The following CDH23 variants were observed in gnomAD, a reference collection of about 807,000 sequenced individuals.
The protein encoded by CDH23 is cadherin-23.
Under a neutral mutation model 317.1 loss-of-function variants are expected in CDH23, and 189 were observed. The ratio of observed to expected loss-of-function variants is 0.60; its 90% CI spans 0.53 to 0.67. CDH23 has a LOEUF of 0.67. Ranked by LOEUF, CDH23 falls within the 30% of genes least tolerant of loss-of-function variation. The pLI is 0.00. For missense variants in CDH23, 4,401 were observed against 4,592.4 expected, an observed-to-expected ratio of 0.96 and a Z score of 1.20; for synonymous variants, 1,839 against 1,876.8, an observed-to-expected ratio of 0.98 and a Z score of 0.52.
At chr10:71,506,988 A>G (rs1165227748) in intron 3 of CDH23, among the ~76,000 whole-genome samples, 1 of 152,160 alleles carries the variant, frequency 6.6e-6, no homozygotes, top group South Asian at 2.1e-4. Flanking sequence ...CCTTCTTGGG[A>G]GGACCTGAGC....
chr10:71,503,197 G>A (rs1278834968), intron 3 of CDH23, among the ~76,000 whole-genome samples: 2 of 152,238 alleles, frequency 1.3e-5, no homozygotes, highest in African/African-American at 4.8e-5. Context: ...TAGCAGTCTG[G>A]TGGGCAGATT....
chr10:71,709,341 A>G, intron 27 of CDH23, 130 bp downstream of exon 27: 1 of 720,152 alleles, frequency 1.4e-6, no homozygotes, highest in Non-Finnish European at 2.3e-6. Context: ...GCCACCAGGC[A>G]CTCACCAAAC....
intron 20 of CDH23, among the ~76,000 whole-genome samples, chr10:71,691,168 T>G (rs901717306): frequency 2.8e-4 from 43 of 152,364 alleles, no homozygotes; most frequent in African/African-American, 9.9e-4. Flanking sequence ...AACTCTCTTC[T>G]TTCTTCTTCG....
chr10:71,651,871 G>A (rs1336362851), intron 14 of CDH23, among the ~76,000 whole-genome samples: 1 of 152,216 alleles, frequency 6.6e-6, no homozygotes, highest in Non-Finnish European at 1.5e-5. Flanking sequence ...TTGGCCTCTT[G>A]CAGCATGGGG....
In CDH23 at chr10:71,752,001, G is replaced by A. The variant is rs908095514; in HGVS notation, c.4845+10080G>A. 5.1e-6 allele frequency: 5 copies of A among 979,008 alleles called. No individual in the cohort carries two copies. In the Admixed American group the frequency reaches 1.0e-4, roughly 20 times the overall value. 60.6% of individuals were successfully genotyped at this position (979,008 alleles called of 1,614,324 possible). On this transcript the variant is annotated intron_variant, in intron 38 of 69. Transcript: ENST00000224721. ...CCTCAGCAGCATCTCCAAGCAAGAA[G>A]GCAGGAGCCAGGCCCACAGAGCAAA...
chr10:71,583,862 C>G (rs1858834649), intron 9 of CDH23, among the ~76,000 whole-genome samples: 1 of 152,160 alleles, frequency 6.6e-6, no homozygotes, highest in Admixed American at 6.5e-5. Flanking sequence ...GTCACAGCTA[C>G]TAAGAGGCAG....
chr10:71,477,852 C>G (rs918583713), intron 3 of CDH23, among the ~76,000 whole-genome samples: 2 of 152,106 alleles, frequency 1.3e-5, no homozygotes, highest in Non-Finnish European at 2.9e-5. Context: ...CTGCTGGGCT[C>G]TTATTATCCC....
At chr10:71,763,196 C>A (rs7067854) in intron 38 of CDH23, among the ~76,000 whole-genome samples, 3,385 of 152,284 alleles carry the variant, frequency 0.022, 116 homozygotes, top group African/African-American at 0.078. Flanking sequence ...GTTTTTGAGA[C>A]GGAGTCTCCC....
At chr10:71,799,042 C>T (rs1029403829) in intron 50 of CDH23, 69 bp from the exon 51 acceptor site, 9 of 1,482,242 alleles carry the variant, frequency 6.1e-6, no homozygotes, top group Non-Finnish European at 7.4e-6. Flanking sequence ...AGGTCTTTCT[C>T]CTCATACTTT....
intron 16 of CDH23, among the ~76,000 whole-genome samples, chr10:71,678,246 A>C (rs1462629634): frequency 6.6e-6 from 1 of 152,140 alleles, no homozygotes; most frequent in Admixed American, 6.5e-5. Flanking sequence ...ACTGACTAGA[A>C]TCAGGAAGTG....
intron 1 of CDH23, among the ~76,000 whole-genome samples, chr10:71,408,130 T>C (rs1221464938): frequency 6.6e-6 from 1 of 152,232 alleles, no homozygotes; most frequent in Non-Finnish European, 1.5e-5. Flanking sequence ...AGGAGCAATG[T>C]CTTTGCAATG....
intron 3 of CDH23, among the ~76,000 whole-genome samples, chr10:71,448,864 G>A (rs539760645): frequency 3.3e-5 from 5 of 152,304 alleles, no homozygotes; most frequent in South Asian, 4.1e-4. Context: ...GGCTCCATGG[G>A]TGCAGGCCTC....
chr10:71,780,614 C>G (rs529621839), intron 41 of CDH23, among the ~76,000 whole-genome samples: 17 of 152,218 alleles, frequency 1.1e-4, no homozygotes, highest in African/African-American at 4.1e-4. Flanking sequence ...GTAATGGGGC[C>G]AGATGTTGTC....
chr10:71,698,840 T>G lies in CDH23; in HGVS notation c.2398-3182T>G, dbSNP rs570972661. Among the ~76,000 whole-genome samples the G allele has an allele frequency of 5.9e-5, 9 of 152,362 alleles. No homozygotes were observed. In the East Asian group the frequency reaches 1.3e-3, roughly 23 times the overall value. ...GCTTATTAAGAGGCACGTGGTTTAG[T>G]GATTAAGCAGGCAGCCTCTGGTACC... On this transcript the variant is annotated intron_variant, in intron 22 of 69. Coordinates refer to ENST00000224721, the MANE Select transcript of CDH23 (RefSeq NM_022124.6).
Position 71,755,492 on chromosome 10 carries a change from G to A in CDH23, c.4845+13571G>A, listed in dbSNP as rs749173688. ...CTGAAAGGGCAGAGAGGTAGCCAAG[G>A]TGAAGCCCCATTCCCATTGCTCCTC... On this transcript the variant is annotated intron_variant, in intron 38 of 69. Transcript: ENST00000224721. 19 of 1,588,628 alleles carry A rather than the reference G, an allele frequency of 1.2e-5. No homozygotes were observed. In the East Asian group the frequency reaches 4.3e-4, roughly 36 times the overall value.
chr10:71,812,290 A>G, intron 66 of CDH23, 190 bp from the exon 67 acceptor site: 1 of 1,598,920 alleles, frequency 6.3e-7, no homozygotes, highest in African/African-American at 1.3e-5. Context: ...ATCCAGACTG[A>G]CATGCGGTCC....
intron 1 of CDH23, among the ~76,000 whole-genome samples, chr10:71,434,621 G>T (rs959090627): frequency 6.6e-6 from 1 of 152,132 alleles, no homozygotes; most frequent in African/African-American, 2.4e-5. Flanking sequence ...GCCCAGAGCT[G>T]GTCTGAGCAG....
In CDH23 at chr10:71,738,592, G is replaced by A. The variant is rs2132841522; in HGVS notation, c.4304G>A (p.Gly1435Asp). The A allele has an allele frequency of 6.2e-7, 1 of 1,613,786 alleles. No homozygotes were observed. Among genetic ancestry groups the A allele is most frequent in the African/African-American group, 1.3e-5 (1 of 75,060 alleles). ...AVSIPEDCPVGQRVATVKAWD... is the reference protein window; with the variant it reads ...AVSIPEDCPVDQRVATVKAWD... ...AGCATACCCGAGGACTGCCCTGTGGGCCAGCGAGTGGCTACTGTCAAGGCC... is the reference window on the plus strand; with the variant it reads ...AGCATACCCGAGGACTGCCCTGTGGACCAGCGAGTGGCTACTGTCAAGGCC... Residue 1435 changes from glycine to aspartate, a missense_variant, in exon 35 of 70, where the codon GGC becomes GAC. Around this residue, in one of 3 missense-constraint regions of CDH23, gnomAD observed 3,068 missense variants for 3,203.3 expected, o/e 0.96. Coordinates refer to ENST00000224721, the MANE Select transcript of CDH23 (RefSeq NM_022124.6).
intron 6 of CDH23, among the ~76,000 whole-genome samples, chr10:71,551,090 T>C (rs1199832559): frequency 1.3e-5 from 2 of 152,260 alleles, no homozygotes; most frequent in African/African-American, 2.4e-5. Context: ...TGTCATTTCT[T>C]GTAATAACAC....
Sources: allele counts gnomAD v4.1 joint callset (sites outside exome capture counted in the v4.1 genomes callset), GRCh38; gene constraint gnomAD v4.1.1; regional missense constraint gnomAD v4.1.1; transcripts MANE v1.5; gene names NCBI Gene and HGNC (gene_info 2026-07-23, HGNC 2026-07-21).